The following KIF5A variants were observed in gnomAD, a reference collection of about 807,000 sequenced individuals.
The protein encoded by KIF5A is kinesin heavy chain isoform 5A.
In KIF5A, 35 loss-of-function variants were observed where a neutral mutation model predicts 141.3. The observed-to-expected ratio is 0.25, with a 90% CI of 0.19 to 0.33. KIF5A has a LOEUF of 0.33. Among genes scored for constraint, KIF5A ranks in the 10% least tolerant of loss-of-function variants. KIF5A has a pLI of 1.00. For missense variants in KIF5A, 861 were observed against 1,314.3 expected, an observed-to-expected ratio of 0.66 and a Z score of 5.33; for synonymous variants, 448 against 500.2, an observed-to-expected ratio of 0.90 and a Z score of 1.39.
At chr12:57,556,104 A>C (rs1881732804) in intron 1 of KIF5A, among the ~76,000 whole-genome samples, 1 of 151,574 alleles carries the variant, frequency 6.6e-6, no homozygotes, top group Non-Finnish European at 1.5e-5. Flanking sequence ...TTCCCTGCTC[A>C]GGAGATTACT....
Position 57,569,610 on chromosome 12 carries a change from G to T in KIF5A, c.1044G>T (p.Lys348Asn). 6.2e-7 allele frequency: 1 copy of T among 1,614,150 alleles called. No individual in the cohort carries two copies. The highest frequency in any genetic ancestry group is 8.5e-7 in the Non-Finnish European group (1 of 1,180,028). ...TAEQWKKKYE[K>N]EKEKTKAQKE... ...AGCAGTGGAAGAAGAAATATGAGAA[G>T]GAGAAGGAGAAGACAAAGGCCCAGA... The change falls in exon 11 of 29, where the codon AAG becomes AAT. Residue 348 changes from lysine (K) to asparagine (N), a missense_variant. Coordinates refer to ENST00000455537, the MANE Select transcript of KIF5A (RefSeq NM_004984.4).
At chr12:57,582,799 T>A (rs532354564) in intron 27 of KIF5A, 170 bp downstream of exon 27, 1 of 693,528 alleles carries the variant, frequency 1.4e-6, no homozygotes, top group East Asian at 2.6e-5. Context: ...TTCCCCTGCC[T>A]CAGTGCAGAA....
At chr12:57,555,927 A>AAAAG (rs1314605225) in intron 1 of KIF5A, among the ~76,000 whole-genome samples, 9 of 151,104 alleles carry the variant, frequency 6.0e-5, no homozygotes, top group African/African-American at 1.7e-4. Flanking sequence ...AAAAAAAAGA[A>AAAAG]AAAGAAAGAA....
In KIF5A at chr12:57,576,071, C is replaced by A; in HGVS notation, c.2024-16C>A. 1 of 1,613,200 alleles carries A rather than the reference C, an allele frequency of 6.2e-7. No individual in the cohort carries two copies. The highest frequency in any genetic ancestry group is 1.1e-5 in the South Asian group (1 of 91,062). On this transcript the variant is annotated splice_polypyrimidine_tract_variant and intron_variant, in intron 17 of 28. Coordinates refer to ENST00000455537, the MANE Select transcript of KIF5A (RefSeq NM_004984.4). ...AGGTAGGTTTGATGTCAGCTGTCTT[C>A]CCCTCTTTCCCTTAGAAACTGTGCA...
intron 6 of KIF5A, among the ~76,000 whole-genome samples, 155 bp downstream of exon 6, chr12:57,565,128 A>T (rs529168180): frequency 1.3e-5 from 2 of 152,266 alleles, no homozygotes; most frequent in African/African-American, 2.4e-5. Flanking sequence ...ATCAGAAAAG[A>T]TACTGTCTTG....
rs1306842642 is a variant in KIF5A at position 57,554,484 on chromosome 12, CTAAT to C, written c.129+4086_129+4089del. 2.0e-5 allele frequency among the ~76,000 whole-genome samples: 3 copies of C among 152,186 alleles called. No homozygotes were observed. The East Asian group carries it at 5.8e-4, about 29-fold the overall frequency. ...AAGTGGGTAACACTTTTCCTTTTTACTAATTGTTTCATGCAAACCTCCAGATCCC... is the reference window on the plus strand; with the variant it reads ...AAGTGGGTAACACTTTTCCTTTTTACTGTTTCATGCAAACCTCCAGATCCC... On this transcript the variant is annotated intron_variant, in intron 1 of 28. Transcript: ENST00000455537.
Position 57,550,350 on chromosome 12 carries a change from G to A in KIF5A, c.79G>A (p.Gly27Arg). Reference protein sequence around the residue: ...RPLNQAEILRGDKFIPIFQGD... With the variant: ...RPLNQAEILRRDKFIPIFQGD... The stretch of plus-strand genomic sequence containing the variant: ...CCTGAACCAGGCTGAGATTCTGCGG[G>A]GAGACAAGTTCATCCCCATTTTCCA... Residue 27 changes from glycine (G) to arginine (R), a missense_variant, in exon 1 of 29, where the codon GGA becomes AGA. Coordinates refer to ENST00000455537, the MANE Select transcript of KIF5A (RefSeq NM_004984.4). This position sits in a 1 kb window ranked among gnomAD's most constrained non-coding sequence, Gnocchi z 4.6. 2 of 1,614,236 alleles carry A rather than the reference G, an allele frequency of 1.2e-6. No homozygotes were observed. The highest frequency in any genetic ancestry group is 8.5e-7 in the Non-Finnish European group (1 of 1,180,034).
intron 1 of KIF5A, among the ~76,000 whole-genome samples, chr12:57,556,703 G>A (rs1371999831): frequency 6.6e-6 from 1 of 151,346 alleles, no homozygotes; most frequent in East Asian, 1.9e-4. Context: ...TGTGGGGGGA[G>A]GGGAGGGGCA....
At chr12:57,579,579 A>C (rs1882532543) in intron 23 of KIF5A, among the ~76,000 whole-genome samples, 1 of 152,150 alleles carries the variant, frequency 6.6e-6, no homozygotes, top group African/African-American at 2.4e-5. Context: ...TTAGGCCTGC[A>C]GAGGGCTTTG....
At chr12:57,563,762 G>A in intron 3 of KIF5A, 69 bp downstream of exon 3, 1 of 1,374,488 alleles carries the variant, frequency 7.3e-7, no homozygotes, top group Non-Finnish European at 1.0e-6. Flanking sequence ...TCTCAGTGGG[G>A]GAAGGTCTAG....
chr12:57,582,823 C>G, intron 27 of KIF5A, 194 bp downstream of exon 27: 1 of 647,624 alleles, frequency 1.5e-6, no homozygotes, highest in South Asian at 1.8e-5. Flanking sequence ...CTCCCCTCCT[C>G]CAATCCCATC....
chr12:57,566,023 CAA>C (rs1207425553), intron 6 of KIF5A, among the ~76,000 whole-genome samples: 10 of 151,826 alleles, frequency 6.6e-5, no homozygotes, highest in Admixed American at 3.3e-4. Flanking sequence ...TGCTTGAGCT[CAA>C]GAGTTTGAGG....
At chr12:57,569,819 G>A (rs1882189537) in intron 11 of KIF5A, 136 bp downstream of exon 11, 2 of 1,432,646 alleles carry the variant, frequency 1.4e-6, no homozygotes, top group Non-Finnish European at 1.9e-6. Flanking sequence ...AGGTGCAGTA[G>A]AGCAGTCATG....
intron 20 of KIF5A, among the ~76,000 whole-genome samples, chr12:57,577,370 G>A (rs1365871563): frequency 2.0e-5 from 3 of 152,176 alleles, no homozygotes; most frequent in Non-Finnish European, 4.4e-5. Flanking sequence ...CAAAGCAGGT[G>A]GACTGCTTGA....
At chr12:57,575,418 G>A (rs1368172329) in intron 16 of KIF5A, 146 bp downstream of exon 16, 1 of 1,038,582 alleles carries the variant, frequency 9.6e-7, no homozygotes, top group Non-Finnish European at 1.5e-6. Context: ...GGTGGCAGGG[G>A]TGCAGATCAG....
At chr12:57,579,755 C>T (rs1398663557) in intron 23 of KIF5A, among the ~76,000 whole-genome samples, 5 of 152,206 alleles carry the variant, frequency 3.3e-5, no homozygotes, top group Non-Finnish European at 7.3e-5. Context: ...CACACACACA[C>T]ATGTGTGTGC....
At chr12:57,569,805 G>A in intron 11 of KIF5A, 122 bp downstream of exon 11, 1 of 1,483,924 alleles carries the variant, frequency 6.7e-7, no homozygotes, top group Non-Finnish European at 9.1e-7. Context: ...CTGTGTTTCT[G>A]GACAGGTGCA....
rs1231571339 is a variant in KIF5A, at chr12:57,581,426, C to T, written c.2767C>T (p.Arg923Trp). Residue 923 changes from arginine (R) to tryptophan (W), a missense_variant, in exon 25 of 29, where the codon CGG (arginine) becomes TGG (tryptophan). By Grantham distance (101) the Arg-to-Trp change is moderately radical. Coordinates refer to ENST00000455537, the MANE Select transcript of KIF5A (RefSeq NM_004984.4). Reference sequence around the variant, plus strand: ...TTTCTTTATTGCAGCCAAACCCGTCCGGCCTGGCCACTACCCAGCATCCTC... The same window carrying T: ...TTTCTTTATTGCAGCCAAACCCGTCTGGCCTGGCCACTACCCAGCATCCTC... Reference protein sequence around the residue: ...GHSAQIAKPVRPGHYPASSPT... With the variant: ...GHSAQIAKPVWPGHYPASSPT... 10 of 1,613,854 alleles carry T rather than the reference C, an allele frequency of 6.2e-6. No homozygotes were observed. Among genetic ancestry groups the T allele is most frequent in the South Asian group, 2.2e-5 (2 of 91,078 alleles).
In KIF5A at chr12:57,584,000, G is replaced by A. The variant is rs142326707; in HGVS notation, c.*37-218G>A. Among the ~76,000 whole-genome samples, 99 of 152,200 alleles carry A rather than the reference G, an allele frequency of 6.5e-4. 1 individual carries two copies. Among genetic ancestry groups the A allele is most frequent in the African/African-American group, 2.2e-3 (93 of 41,502 alleles). On this transcript the variant is annotated intron_variant, in intron 28 of 28. Transcript: ENST00000455537. ...AAACCAGGCACACACAGGCAGAAAAGTCTGAGAAGCAGAGAAGTAGGAATG... is the reference window on the plus strand; with the variant it reads ...AAACCAGGCACACACAGGCAGAAAAATCTGAGAAGCAGAGAAGTAGGAATG...
Sources: allele counts gnomAD v4.1 joint callset (sites outside exome capture counted in the v4.1 genomes callset), GRCh38; gene constraint gnomAD v4.1.1; non-coding constraint Gnocchi (gnomAD v3.1); transcripts MANE v1.5; gene names NCBI Gene and HGNC (gene_info 2026-07-23, HGNC 2026-07-21).